THADA: variants seen among roughly 807,000 people sequenced by gnomAD.
THADA encodes tRNA (32-2'-O)-methyltransferase regulator THADA.
Under a neutral mutation model 219.8 loss-of-function variants are expected in THADA, and 213 were observed. The ratio of observed to expected loss-of-function variants is 0.97; its 90% confidence interval spans 0.87 to 1.09. The LOEUF (loss-of-function observed/expected upper bound fraction) is 1.09, where lower values mean the gene tolerates loss of function less well. Ranked by LOEUF, THADA falls within the 50% of genes least tolerant of loss-of-function variation. The pLI is 0.00. For missense variants in THADA, 2,956 were observed against 2,311.3 expected, an observed-to-expected ratio of 1.28 and a Z score of -5.72; for synonymous variants, 1,018 against 828.9, an observed-to-expected ratio of 1.23 and a Z score of -3.92.
intron 26 of THADA, among the ~76,000 whole-genome samples, chr2:43,432,148 G>T (rs1237487481): frequency 7.9e-6 from 1 of 126,072 alleles, no homozygotes; most frequent in Non-Finnish European, 1.8e-5. Context: ...GAGCCACCGC[G>T]CCCGGCCAAT....
intron 29 of THADA, among the ~76,000 whole-genome samples, chr2:43,382,866 A>G (rs1358581551): frequency 6.6e-6 from 1 of 152,220 alleles, no homozygotes; most frequent in Non-Finnish European, 1.5e-5. Context: ...CACACAATTT[A>G]CAAACTACCA....
At chr2:43,365,367 T>C (rs1269415251) in intron 29 of THADA, among the ~76,000 whole-genome samples, 7 of 152,026 alleles carry the variant, frequency 4.6e-5, no homozygotes, top group Non-Finnish European at 7.4e-5. Flanking sequence ...GGTCACGAGT[T>C]TGAGACCAGC....
Position 43,291,880 on chromosome 2 carries a change from C to T in THADA, c.4938-112G>A, listed in dbSNP as rs147723544. ...ATGCAGAGGTGAATACTGAAAATCT[C>T]TACCTCCTGGTTACAAAAATGCCTC... On this transcript the variant is annotated intron_variant, in intron 33 of 37. Coordinates refer to ENST00000405975, the MANE Select transcript of THADA (RefSeq NM_022065.5). The T allele has an allele frequency of 3.1e-4, 308 of 1,008,642 alleles. 1 individual carries two copies. The African/African-American group carries it at 4.7e-3, about 15-fold the overall frequency. The allele number at this position is 1,008,642 out of a possible 1,614,324, so 62.5% of individuals were successfully genotyped here.
intron 22 of THADA, among the ~76,000 whole-genome samples, chr2:43,516,345 G>T (rs1269977975): frequency 6.6e-6 from 1 of 152,066 alleles, no homozygotes; most frequent in Non-Finnish European, 1.5e-5. Flanking sequence ...AGGCTGTCTA[G>T]TCCTCACAAC....
intron 20 of THADA, among the ~76,000 whole-genome samples, chr2:43,544,371 G>T (rs1001714210): frequency 2.0e-5 from 3 of 152,080 alleles, no homozygotes; most frequent in African/African-American, 4.8e-5. Context: ...CTTTTTTGGT[G>T]CCATATGAAC....
At chr2:43,455,767 C>A (rs76130737) in intron 26 of THADA, among the ~76,000 whole-genome samples, 2,934 of 152,236 alleles carry the variant, frequency 0.019, 103 homozygotes, top group African/African-American at 0.067. Flanking sequence ...TGAAAAACAT[C>A]AATTCTAAAT....
chr2:43,363,331 A>C (rs144042765), intron 29 of THADA, among the ~76,000 whole-genome samples: 37 of 152,352 alleles, frequency 2.4e-4, no homozygotes, highest in Non-Finnish European at 4.6e-4. Context: ...TTAGGCAATA[A>C]AAATTTTTTA....
chr2:43,493,665 G>A (rs1273409113), intron 25 of THADA, among the ~76,000 whole-genome samples: 1 of 152,114 alleles, frequency 6.6e-6, no homozygotes. Flanking sequence ...AATAAAGAGA[G>A]ATGAGTGATA....
intron 10 of THADA, 104 bp from the exon 11 acceptor site, chr2:43,575,131 C>A: frequency 7.0e-6 from 6 of 856,210 alleles, no homozygotes; most frequent in Non-Finnish European, 1.0e-5. Flanking sequence ...ACAGAATGAC[C>A]ACAAATTTCA....
intron 30 of THADA, chr2:43,333,111 C>A (rs1558594493): frequency 6.6e-6 from 1 of 152,160 alleles, no homozygotes; most frequent in Non-Finnish European, 1.5e-5. Context: ...AAACTTGAGG[C>A]TGTATTTGTA....
At chr2:43,257,435 C>T (rs1670456266) in intron 36 of THADA, among the ~76,000 whole-genome samples, 1 of 152,218 alleles carries the variant, frequency 6.6e-6, no homozygotes, top group African/African-American at 2.4e-5. Flanking sequence ...CCCGGGCCAG[C>T]GGGGCCCAAT....
intron 36 of THADA, among the ~76,000 whole-genome samples, chr2:43,246,495 AAAACAAAC>A (rs527889913): frequency 5.9e-5 from 9 of 151,670 alleles, no homozygotes; most frequent in South Asian, 2.1e-4. Context: ...ACTCGTCTCA[AAAACAAAC>A]AAACAAACAA....
At chr2:43,498,149 C>T (rs186464548) in intron 25 of THADA, among the ~76,000 whole-genome samples, 8 of 151,692 alleles carry the variant, frequency 5.3e-5, no homozygotes, top group Middle Eastern at 3.4e-3. Context: ...AAATATTGTA[C>T]GATTCCATTT....
At chr2:43,259,022 G>A (rs139479115) in intron 36 of THADA, among the ~76,000 whole-genome samples, 1 of 152,204 alleles carries the variant, frequency 6.6e-6, no homozygotes, top group African/African-American at 2.4e-5. Context: ...TAAGGAACCA[G>A]GCCAAAATGA....
chr2:43,578,477 C>CTA (rs1700086701), intron 9 of THADA, 36 bp downstream of exon 9: 2 of 1,526,580 alleles, frequency 1.3e-6, no homozygotes, highest in South Asian at 2.3e-5. Context: ...CCCTAACTCT[C>CTA]AATAAAGTAC....
At chr2:43,532,551 C>A (rs999759378) in intron 21 of THADA, among the ~76,000 whole-genome samples, 4 of 151,878 alleles carry the variant, frequency 2.6e-5, no homozygotes, top group Non-Finnish European at 4.4e-5. Context: ...AAATTCAATA[C>A]CCCTTCATGC....
chr2:43,351,610 T>C (rs543600313), intron 29 of THADA, among the ~76,000 whole-genome samples: 235 of 152,342 alleles, frequency 1.5e-3, no homozygotes, highest in African/African-American at 2.6e-3. Context: ...TATCAATCTA[T>C]ACTATCCTTT....
intron 34 of THADA, among the ~76,000 whole-genome samples, 199 bp from the exon 35 acceptor site, chr2:43,287,260 G>C (rs1324108895): frequency 6.6e-6 from 1 of 152,158 alleles, no homozygotes; most frequent in Non-Finnish European, 1.5e-5. Context: ...CTTTCGGTAA[G>C]ATGGAGTCAC....
chr2:43,297,412 T>C (rs1220798963), intron 31 of THADA, among the ~76,000 whole-genome samples: 1 of 91,532 alleles, frequency 1.1e-5, no homozygotes, highest in South Asian at 4.4e-4. Flanking sequence ...GTGAGGAGCG[T>C]CTCCGCCCGG....
Sources: gnomAD v4.1 joint callset for allele counts (sites outside exome capture counted in the v4.1 genomes callset) on GRCh38, gnomAD v4.1.1 for gene constraint, MANE v1.5 for transcripts, NCBI Gene and HGNC (gene_info 2026-07-23, HGNC 2026-07-21) for gene names.